Variants in RIMBP2 observed in about 807,000 individuals in gnomAD.
RIMBP2 encodes RIMS binding protein 2, also known as RIMS-binding protein 2.
RIMBP2 carries 48 observed loss-of-function variants against 118.6 expected under a neutral mutation model. The ratio of observed to expected loss-of-function variants is 0.40; its 90% CI spans 0.32 to 0.51. RIMBP2 has a LOEUF of 0.51. Among genes scored for constraint, RIMBP2 ranks in the 20% least tolerant of loss-of-function variants. The pLI is 0.41. For missense variants in RIMBP2, 1,551 were observed against 1,768.3 expected, an observed-to-expected ratio of 0.88 and a Z score of 2.20; for synonymous variants, 762 against 742.9, an observed-to-expected ratio of 1.03 and a Z score of -0.42.
At position 130,433,773 on chromosome 12, in the gene RIMBP2, C is replaced by T. The variant is rs559398457; in HGVS notation, c.2253+961G>A. On this transcript the variant is annotated intron_variant, in intron 14 of 22. Coordinates refer to ENST00000690449, the MANE Select transcript of RIMBP2 (RefSeq NM_001393629.1). Reference sequence around the variant, plus strand: ...AGCTATGGCAGCCACTTTGTAACCACGAGAGAAAGGCCAAGAGAATGGACG... The same window carrying T: ...AGCTATGGCAGCCACTTTGTAACCATGAGAGAAAGGCCAAGAGAATGGACG... 2.4e-4 allele frequency among the ~76,000 whole-genome samples: 36 copies of T among 152,252 alleles called. No homozygotes were observed. In the South Asian group the frequency reaches 6.4e-3, roughly 27 times the overall value.
chr12:130,496,984 G>A (rs2049234312), intron 4 of RIMBP2, among the ~76,000 whole-genome samples: 1 of 152,174 alleles, frequency 6.6e-6, no homozygotes, highest in Non-Finnish European at 1.5e-5. Context: ...GGTGTGGACA[G>A]GGCCATGTAC....
At chr12:130,586,931 T>C (rs1322448533) in intron 2 of RIMBP2, among the ~76,000 whole-genome samples, 1 of 80,592 alleles carries the variant, frequency 1.2e-5, no homozygotes, top group Admixed American at 1.5e-4. Flanking sequence ...CCTACTCATC[T>C]GACAAAGGGC....
chr12:130,442,323 C>G lies in RIMBP2; in HGVS notation c.1029G>C (p.Trp343Cys). 6.2e-7 allele frequency: 1 copy of G among 1,614,226 alleles called. No homozygotes were observed. ...GGACGTTGTAGCTGCTCACCGTTCC[C>G]CATCCTGGTGGCACCGCCGGGGGCT... ...GWEPPAVPPG[W>C]GTVSSYNVLV... The change falls in exon 11 of 23, where the codon TGG (tryptophan) becomes TGC (cysteine). Residue 343 changes from tryptophan to cysteine, a missense_variant. Transcript: ENST00000690449. The surrounding 1 kb of genome is among the most constrained non-coding windows in gnomAD (Gnocchi z 6.9).
At chr12:130,674,115 C>T (rs2064330072) in intron 1 of RIMBP2, among the ~76,000 whole-genome samples, 1 of 152,010 alleles carries the variant, frequency 6.6e-6, no homozygotes, top group African/African-American at 2.4e-5. Context: ...GAGACTCTGT[C>T]TAAAATTTAA....
intron 2 of RIMBP2, among the ~76,000 whole-genome samples, chr12:130,549,270 C>T (rs1054908436): frequency 6.6e-6 from 1 of 152,166 alleles, no homozygotes; most frequent in Admixed American, 6.5e-5. Flanking sequence ...ATCTGATGCC[C>T]ATCCCGGGGG....
intron 1 of RIMBP2, among the ~76,000 whole-genome samples, chr12:130,691,351 C>G (rs1425057519): frequency 6.6e-6 from 1 of 152,158 alleles, no homozygotes; most frequent in Non-Finnish European, 1.5e-5. Flanking sequence ...CCCCTTCTAC[C>G]CAGGAATGCC....
At chr12:130,645,091 A>G (rs1166967433) in intron 1 of RIMBP2, among the ~76,000 whole-genome samples, 2 of 144,454 alleles carry the variant, frequency 1.4e-5, no homozygotes, top group African/African-American at 5.7e-5. Flanking sequence ...TACAAATCAG[A>G]ACTTTTTTTT....
chr12:130,485,951 C>G (rs950079757), intron 4 of RIMBP2, among the ~76,000 whole-genome samples: 1 of 152,180 alleles, frequency 6.6e-6, no homozygotes, highest in African/African-American at 2.4e-5. Flanking sequence ...ACTCGGCCCT[C>G]GAAGACAGCC....
At chr12:130,441,402 A>AATAATAATAATAATC (rs2078114042) in intron 11 of RIMBP2, among the ~76,000 whole-genome samples, 1 of 37,932 alleles carries the variant, frequency 2.6e-5, no homozygotes, top group Non-Finnish European at 5.2e-5. Context: ...CTCCATCTCA[A>AATAATAATAATAATC]ATAATAATAA....
intron 5 of RIMBP2, among the ~76,000 whole-genome samples, chr12:130,476,641 C>T (rs2081454595): frequency 6.6e-6 from 1 of 152,208 alleles, no homozygotes; most frequent in African/African-American, 2.4e-5. Context: ...CCCCAGCCCT[C>T]GGCGTGGTGG....
At chr12:130,693,718 G>A (rs890644695) in intron 1 of RIMBP2, among the ~76,000 whole-genome samples, 28 of 152,210 alleles carry the variant, frequency 1.8e-4, no homozygotes, top group African/African-American at 6.0e-4. Flanking sequence ...GCAGACTAGG[G>A]TGGCACATGA....
intron 1 of RIMBP2, among the ~76,000 whole-genome samples, chr12:130,676,501 T>G (rs1464462094): frequency 6.6e-6 from 1 of 151,656 alleles, no homozygotes; most frequent in East Asian, 1.9e-4. Flanking sequence ...TATGTGCCTG[T>G]AGTCCCAGCT....
chr12:130,491,784 C>T (rs921196163), intron 4 of RIMBP2, among the ~76,000 whole-genome samples: 4 of 152,236 alleles, frequency 2.6e-5, no homozygotes, highest in African/African-American at 9.6e-5. Context: ...GGCTTCACAT[C>T]TGAAAAGTAC....
In RIMBP2 at chr12:130,450,428, A is replaced by G; in HGVS notation, c.505-152T>C. On this transcript the variant is annotated intron_variant, in intron 8 of 22. Transcript: ENST00000690449. The surrounding 1 kb of genome is among the most constrained non-coding windows in gnomAD (Gnocchi z 4.8). ...TCCCAGGAGGCACTGCCACCCGCAC[A>G]CCCACATGCGAGCTTGGAAAGGAGG... The G allele has an allele frequency of 1.6e-6, 1 of 642,094 alleles. No individual in the cohort carries two copies. Among genetic ancestry groups the G allele is most frequent in the African/African-American group, 1.8e-5 (1 of 54,904 alleles). 39.8% of individuals were successfully genotyped at this position (642,094 alleles called of 1,614,324 possible). A position where few individuals can be genotyped will look rare whatever the true frequency, so the allele number is the denominator to read the frequency against.
At chr12:130,668,078 G>T (rs537860323) in intron 1 of RIMBP2, 1 of 152,184 alleles carries the variant, frequency 6.6e-6, no homozygotes, top group Non-Finnish European at 1.5e-5. Context: ...GCCCGAAACC[G>T]CTGCAATCCC....
intron 4 of RIMBP2, among the ~76,000 whole-genome samples, chr12:130,500,004 A>G (rs2049588237): frequency 6.6e-6 from 1 of 152,208 alleles, no homozygotes; most frequent in African/African-American, 2.4e-5. Context: ...ATAGGTTTTA[A>G]TCAGGGCAAG....
rs1381442308 is a variant in RIMBP2 at position 130,673,514 on chromosome 12, A to G, written c.-352+42708T>C. ...GACCTCCAGAGGCTGGGGAAGCGCC[A>G]CAGCCCAGAGGCCCACGGAGCTTTG... On this transcript the variant is annotated intron_variant, in intron 1 of 22. Coordinates refer to ENST00000690449, the MANE Select transcript of RIMBP2 (RefSeq NM_001393629.1). 2.0e-5 allele frequency among the ~76,000 whole-genome samples: 3 copies of G among 152,174 alleles called. No homozygotes were observed. In the East Asian group the frequency reaches 5.8e-4, roughly 29 times the overall value.
At chr12:130,646,065 GCCTCTCCACCTC>G (rs1427346314) in intron 1 of RIMBP2, among the ~76,000 whole-genome samples, 58 of 79,774 alleles carry the variant, frequency 7.3e-4, no homozygotes, top group Middle Eastern at 8.2e-3. Context: ...CTCACCACCT[GCCTCTCCACCTC>G]CCTCACCACT....
chr12:130,564,684 T>C lies in RIMBP2; in HGVS notation c.-216-46767A>G, dbSNP rs944542704. Among the ~76,000 whole-genome samples, 54 of 152,198 alleles carry C rather than the reference T, an allele frequency of 3.5e-4. 1 individual carries two copies. The highest frequency in any genetic ancestry group is 1.2e-3 in the African/African-American group (51 of 41,450). ...GACAAATACTGTAACACTCCTTTTA[T>C]ATAAGGCCTCTAAACAGTGGCAGTT... On this transcript the variant is annotated intron_variant, in intron 2 of 22. Transcript: ENST00000690449.
Sources: allele counts gnomAD v4.1 joint callset (sites outside exome capture counted in the v4.1 genomes callset), GRCh38; gene constraint gnomAD v4.1.1; non-coding constraint Gnocchi (gnomAD v3.1); transcripts MANE v1.5; gene names NCBI Gene and HGNC (gene_info 2026-07-23, HGNC 2026-07-21).